The following POC1A variants were observed in gnomAD, a reference collection of about 807,000 sequenced individuals.
POC1A encodes the protein POC1 centriolar protein homolog A.
Under a neutral mutation model 47.8 loss-of-function variants are expected in POC1A, and 34 were observed. That is an observed-to-expected ratio of 0.71 (90% CI 0.54 to 0.95). The LOEUF (loss-of-function observed/expected upper bound fraction) is 0.95, where lower values mean the gene tolerates loss of function less well. Ranked by LOEUF, POC1A falls within the 40% of genes least tolerant of loss-of-function variation. POC1A has a pLI of 0.00. For synonymous variants in POC1A, 177 were observed against 207.6 expected (o/e 0.85, Z 1.27); for missense variants, 466 against 528.3 (o/e 0.88, Z 1.16).
chr3:52,083,728 A>C (rs1702373007), intron 10 of POC1A, among the ~76,000 whole-genome samples: 1 of 152,126 alleles, frequency 6.6e-6, no homozygotes. Flanking sequence ...CTCCAGGTGG[A>C]GTCAGGCCCC....
intron 3 of POC1A, 58 bp downstream of exon 3, chr3:52,149,754 GGGGA>G: frequency 6.6e-7 from 1 of 1,505,816 alleles, no homozygotes; most frequent in Non-Finnish European, 9.1e-7. Flanking sequence ...GGACCTGGGT[GGGGA>G]TGGCTCTGGC....
intron 7 of POC1A, among the ~76,000 whole-genome samples, chr3:52,130,999 G>T (rs1704189427): frequency 6.6e-6 from 1 of 151,940 alleles, no homozygotes; most frequent in African/African-American, 2.4e-5. Flanking sequence ...CCAGGGCAGG[G>T]GCTGCTCACC....
chr3:52,097,434 G>A (rs570794999), intron 9 of POC1A, among the ~76,000 whole-genome samples: 2 of 152,340 alleles, frequency 1.3e-5, no homozygotes, highest in Non-Finnish European at 2.9e-5. Flanking sequence ...AGGCCCTTCA[G>A]CCCCTAAATT....
In POC1A at chr3:52,075,994, T is replaced by G. The variant is rs1211696490; in HGVS notation, c.1126-9A>C. 6.2e-7 allele frequency: 1 copy of G among 1,608,362 alleles called. No homozygotes were observed. Among genetic ancestry groups the G allele is most frequent in the Admixed American group, 1.7e-5 (1 of 59,970 alleles). ...TCCAGAATGGAGACTGTCTGCAAAATAAACAGTGGTTGGGTCAGAACACAG... is the reference window on the plus strand; with the variant it reads ...TCCAGAATGGAGACTGTCTGCAAAAGAAACAGTGGTTGGGTCAGAACACAG... On this transcript the variant is annotated splice_polypyrimidine_tract_variant and intron_variant, in intron 10 of 10. Transcript: ENST00000296484.
intron 9 of POC1A, among the ~76,000 whole-genome samples, chr3:52,121,794 T>C (rs965005377): frequency 6.6e-6 from 1 of 152,262 alleles, no homozygotes; most frequent in Admixed American, 6.5e-5. Context: ...CCTTATTTAA[T>C]GAGACTGTAT....
chr3:52,129,526 TC>T (rs1360482849), intron 7 of POC1A, among the ~76,000 whole-genome samples: 5 of 152,172 alleles, frequency 3.3e-5, no homozygotes, highest in African/African-American at 1.2e-4. Context: ...CCCTGAGGAT[TC>T]CTCTGAGCAG....
At chr3:52,147,977 A>C (rs1347657873) in intron 4 of POC1A, among the ~76,000 whole-genome samples, 1 of 152,218 alleles carries the variant, frequency 6.6e-6, no homozygotes, top group Non-Finnish European at 1.5e-5. Context: ...GAAAAAAAAA[A>C]AGGTGCCTGC....
At position 52,122,372 on chromosome 3, in the gene POC1A, C is replaced by T; in HGVS notation, c.981+7G>A. The T allele has an allele frequency of 6.4e-7, 1 of 1,560,814 alleles. No homozygotes were observed. The highest frequency in any genetic ancestry group is 8.8e-7 in the Non-Finnish European group (1 of 1,131,380). On this transcript the variant is annotated splice_region_variant and intron_variant, in intron 9 of 10. Transcript: ENST00000296484. ...AGAGCTCAGGACATGCCTGCCAAGCCACTTACCAGATTCCCCATGGAGCTG... is the reference window on the plus strand; with the variant it reads ...AGAGCTCAGGACATGCCTGCCAAGCTACTTACCAGATTCCCCATGGAGCTG...
At chr3:52,082,969 TG>T (rs1577796815) in intron 10 of POC1A, among the ~76,000 whole-genome samples, 1 of 152,108 alleles carries the variant, frequency 6.6e-6, no homozygotes, top group East Asian at 1.9e-4. Context: ...GCTCCGAGAT[TG>T]GAACAGTTGA....
chr3:52,085,839 T>C (rs1702441409), intron 10 of POC1A, among the ~76,000 whole-genome samples: 1 of 152,236 alleles, frequency 6.6e-6, no homozygotes, highest in African/African-American at 2.4e-5. Flanking sequence ...CTAATATGCA[T>C]GTAGAACTTG....
At chr3:52,142,885 C>T (rs1353325609) in intron 6 of POC1A, among the ~76,000 whole-genome samples, 1 of 152,058 alleles carries the variant, frequency 6.6e-6, no homozygotes, top group Non-Finnish European at 1.5e-5. Flanking sequence ...TGGGGAGCCC[C>T]AAGACCAGAG....
chr3:52,107,183 G>T (rs781221239), intron 9 of POC1A, among the ~76,000 whole-genome samples: 3 of 152,260 alleles, frequency 2.0e-5, no homozygotes, highest in Non-Finnish European at 4.4e-5. Context: ...TTCAGAGCGG[G>T]CTGGAAAACA....
At chr3:52,139,216 A>T (rs2107164387) in intron 6 of POC1A, among the ~76,000 whole-genome samples, 1 of 152,264 alleles carries the variant, frequency 6.6e-6, no homozygotes, top group Admixed American at 6.5e-5. Context: ...TGCGGATGCT[A>T]CTAAGTTAAG....
At chr3:52,121,532 G>A (rs1196485104) in intron 9 of POC1A, among the ~76,000 whole-genome samples, 1 of 152,206 alleles carries the variant, frequency 6.6e-6, no homozygotes, top group Non-Finnish European at 1.5e-5. Context: ...GGGTCTATCT[G>A]CTGCAGCCAC....
chr3:52,142,528 C>T (rs1358859602), intron 6 of POC1A, among the ~76,000 whole-genome samples: 1 of 152,208 alleles, frequency 6.6e-6, no homozygotes. Context: ...TAGAGCACAA[C>T]TATGGACGGC....
intron 6 of POC1A, 84 bp from the exon 7 acceptor site, chr3:52,138,386 G>C (rs1376988486): frequency 3.5e-6 from 5 of 1,432,530 alleles, no homozygotes; most frequent in Non-Finnish European, 4.8e-6. Context: ...AGGGCCAATC[G>C]AGGCTCAGCA....
chr3:52,085,700 A>G (rs542446750), intron 10 of POC1A, among the ~76,000 whole-genome samples: 22 of 152,330 alleles, frequency 1.4e-4, no homozygotes, highest in African/African-American at 5.1e-4. Context: ...CCTCAGCTAC[A>G]TGGCCTAGGT....
chr3:52,135,424 C>T (rs893980696), intron 7 of POC1A, among the ~76,000 whole-genome samples: 3 of 152,186 alleles, frequency 2.0e-5, no homozygotes, highest in African/African-American at 7.2e-5. Context: ...TGCTTTGTCA[C>T]CCAGGCTGGA....
chr3:52,095,478 C>A (rs1424674229), intron 10 of POC1A, among the ~76,000 whole-genome samples: 1 of 152,198 alleles, frequency 6.6e-6, no homozygotes, highest in Non-Finnish European at 1.5e-5. Flanking sequence ...GGGTCCTTTG[C>A]GTCCTTCATG....
Sources: gnomAD v4.1 joint callset for allele counts (sites outside exome capture counted in the v4.1 genomes callset) on GRCh38, gnomAD v4.1.1 for gene constraint, MANE v1.5 for transcripts, NCBI Gene and HGNC (gene_info 2026-07-23, HGNC 2026-07-21) for gene names.